The following KIR3DL2 variants were observed in gnomAD, a reference collection of about 807,000 sequenced individuals.
KIR3DL2 encodes the protein killer cell immunoglobulin-like receptor 3DL2.
KIR3DL2 carries 42 observed loss-of-function variants against 41.6 expected under a neutral mutation model. The observed-to-expected ratio is 1.01, with a 90% CI of 0.79 to 1.31. The LOEUF is 1.31. KIR3DL2 is among the 50% of genes most tolerant of loss of function. The pLI, the probability that KIR3DL2 is intolerant of heterozygous loss-of-function variation, is 0.00. For missense variants in KIR3DL2, 728 were observed against 576.8 expected, an observed-to-expected ratio of 1.26 and a Z score of -2.68; for synonymous variants, 230 against 221.3, an observed-to-expected ratio of 1.04 and a Z score of -0.35.
At chr19:54,862,397 C>T (rs1253204965) in intron 6 of KIR3DL2, among the ~76,000 whole-genome samples, 2 of 152,110 alleles carry the variant, frequency 1.3e-5, no homozygotes, top group Admixed American at 6.5e-5. Flanking sequence ...TGCTGTACTG[C>T]ACCTGGGCCT....
intron 5 of KIR3DL2, among the ~76,000 whole-genome samples, chr19:54,858,453 G>A (rs763898320): frequency 6.7e-6 from 1 of 148,348 alleles, no homozygotes; most frequent in Non-Finnish European, 1.5e-5. Flanking sequence ...AATGGGCTGG[G>A]TATGGTGGCT....
chr19:54,866,927 CA>C lies in KIR3DL2; in HGVS notation c.*198del. On this transcript the variant is annotated 3_prime_UTR_variant, in exon 9 of 9. Transcript: ENST00000326321. ...AAAACACACTCCTTTGCTTAGCCCA[CA>C]AGTATCTATTTCACTTGACCCCTGC... 4.5e-6 allele frequency: 3 copies of C among 663,224 alleles called. No individual in the cohort carries two copies. Among genetic ancestry groups the C allele is most frequent in the Admixed American group, 2.9e-5 (1 of 33,914 alleles). 41.1% of individuals were successfully genotyped at this position (663,224 alleles called of 1,614,324 possible).
intron 6 of KIR3DL2, among the ~76,000 whole-genome samples, 187 bp downstream of exon 6, chr19:54,859,316 C>T (rs1327093995): frequency 2.0e-5 from 3 of 151,962 alleles, no homozygotes. Flanking sequence ...AGTCTCTTTA[C>T]CTTTAATTTC....
intron 6 of KIR3DL2, among the ~76,000 whole-genome samples, chr19:54,863,983 G>T (rs1211592829): frequency 6.6e-6 from 1 of 152,046 alleles, no homozygotes; most frequent in Non-Finnish European, 1.5e-5. Flanking sequence ...GGTTTTTATG[G>T]TTTTAGGTCT....
chr19:54,859,597 G>A (rs1442894897), intron 6 of KIR3DL2, among the ~76,000 whole-genome samples: 39 of 151,896 alleles, frequency 2.6e-4, no homozygotes, highest in African/African-American at 9.4e-4. Flanking sequence ...GCTCATGCAC[G>A]CACACTTCGA....
chr19:54,865,676 G>T, intron 6 of KIR3DL2, 129 bp from the exon 7 acceptor site: 1 of 773,580 alleles, frequency 1.3e-6, no homozygotes, highest in Non-Finnish European at 2.2e-6. Context: ...AGAAAGCTGG[G>T]TCTCCCGCCA....
intron 6 of KIR3DL2, among the ~76,000 whole-genome samples, chr19:54,862,390 T>C (rs2065237080): frequency 6.6e-6 from 1 of 152,158 alleles, no homozygotes; most frequent in African/African-American, 2.4e-5. Context: ...AAACACCTGC[T>C]GTACTGCACC....
intron 3 of KIR3DL2, 104 bp downstream of exon 3, chr19:54,852,386 T>TACAG: frequency 6.8e-7 from 1 of 1,481,278 alleles, no homozygotes; most frequent in Non-Finnish European, 9.1e-7. Context: ...CCCAACTGTA[T>TACAG]TTGGGGTCAA....
At chr19:54,866,485 G>T in intron 8 of KIR3DL2, 37 bp from the exon 9 acceptor site, 2 of 1,613,960 alleles carry the variant, frequency 1.2e-6, no homozygotes, top group Non-Finnish European at 1.7e-6. Context: ...TGAAAAATGT[G>T]AGCACCCTCC....
intron 6 of KIR3DL2, among the ~76,000 whole-genome samples, chr19:54,864,511 T>C (rs2065376038): frequency 1.3e-5 from 2 of 152,098 alleles, no homozygotes; most frequent in South Asian, 4.1e-4. Context: ...CTTCCATTTG[T>C]TTGTATCCTC....
rs549922142 is a variant in KIR3DL2 at position 54,852,082 on chromosome 19, G to A, written c.155G>A (p.Arg52His). The A allele has an allele frequency of 3.9e-5, 63 of 1,612,684 alleles. No homozygotes were observed. The Admixed American group carries it at 5.7e-4, about 15-fold the overall frequency. ...CACGTGGCTCTTCAGTGTCACTATC[G>A]TCGTGGGTTTAACAATTTCATGCTG... ...GGHVALQCHY[R>H]RGFNNFMLYK... The change falls in exon 3 of 9, where the codon CGT (arginine) becomes CAT (histidine). Residue 52 changes from arginine (R) to histidine (H), a missense_variant. Transcript: ENST00000326321.
At chr19:54,864,866 T>C (rs528605962) in intron 6 of KIR3DL2, among the ~76,000 whole-genome samples, 181 of 152,068 alleles carry the variant, frequency 1.2e-3, no homozygotes, top group African/African-American at 4.3e-3. Flanking sequence ...TCCTGCCTAA[T>C]TGCCCTGGCC....
chr19:54,855,092 T>C (rs2064632492), intron 4 of KIR3DL2, among the ~76,000 whole-genome samples: 2 of 150,856 alleles, frequency 1.3e-5, no homozygotes, highest in Non-Finnish European at 2.9e-5. Context: ...TATAAATATA[T>C]AGATACATAG....
In KIR3DL2 at chr19:54,852,042, G is replaced by T. The variant is rs965756637; in HGVS notation, c.115G>T (p.Val39Leu). Residue 39 changes from valine (V) to leucine (L), a missense_variant, in exon 3 of 9, where the codon GTG (valine) becomes TTG (leucine). Physicochemically the swap from Val to Leu is conservative, Grantham distance 32. Coordinates refer to ENST00000326321, the MANE Select transcript of KIR3DL2 (RefSeq NM_006737.4). Reference protein sequence around the residue: ...PFLSARPSTVVPRGGHVALQC... With the variant: ...PFLSARPSTVLPRGGHVALQC... ...CCTGTCTGCCCGGCCCAGCACTGTGGTGCCTCGAGGAGGACACGTGGCTCT... is the reference window on the plus strand; with the variant it reads ...CCTGTCTGCCCGGCCCAGCACTGTGTTGCCTCGAGGAGGACACGTGGCTCT... 1.7e-4 allele frequency: 280 copies of T among 1,611,936 alleles called. No homozygotes were observed. The highest frequency in any genetic ancestry group is 4.9e-4 in the Middle Eastern group (3 of 6,070).
At chr19:54,864,448 A>C (rs1373760472) in intron 6 of KIR3DL2, among the ~76,000 whole-genome samples, 1 of 152,146 alleles carries the variant, frequency 6.6e-6, no homozygotes, top group Non-Finnish European at 1.5e-5. Flanking sequence ...TACCTTGGGC[A>C]GTATGGCCAT....
chr19:54,858,362 T>C (rs1201558885), intron 5 of KIR3DL2, among the ~76,000 whole-genome samples: 1 of 150,798 alleles, frequency 6.6e-6, no homozygotes, highest in Non-Finnish European at 1.5e-5. Context: ...TGCATGTAGA[T>C]ATCCAGTTTT....
intron 3 of KIR3DL2, 136 bp downstream of exon 3, chr19:54,852,418 A>T: frequency 8.5e-7 from 1 of 1,181,848 alleles, no homozygotes; most frequent in Non-Finnish European, 1.2e-6. Context: ...TACAGGGGAA[A>T]TGGGTGCTGT....
At chr19:54,857,529 G>A (rs1322317426) in intron 5 of KIR3DL2, among the ~76,000 whole-genome samples, 6 of 132,844 alleles carry the variant, frequency 4.5e-5, no homozygotes, top group East Asian at 2.1e-4. Flanking sequence ...GCAGATAAAA[G>A]CCATTTTACT....
chr19:54,857,025 T>C (rs2064836868), intron 5 of KIR3DL2, among the ~76,000 whole-genome samples: 1 of 151,982 alleles, frequency 6.6e-6, no homozygotes, highest in Non-Finnish European at 1.5e-5. Context: ...TTCGATACAC[T>C]GATGTCCTTT....
Sources: gnomAD v4.1 joint callset for allele counts (sites outside exome capture counted in the v4.1 genomes callset) on GRCh38, gnomAD v4.1.1 for gene constraint, MANE v1.5 for transcripts, NCBI Gene and HGNC (gene_info 2026-07-23, HGNC 2026-07-21) for gene names.